Variants in SHLD1 observed in about 807,000 individuals in gnomAD.
SHLD1 encodes RINN1-REV7-interacting novel NHEJ regulator 3.
In SHLD1, 3 loss-of-function variants were observed where a neutral mutation model predicts 5.5. The ratio of observed to expected loss-of-function variants is 0.54; its 90% CI spans 0.25 to 1.40. The LOEUF (loss-of-function observed/expected upper bound fraction) is 1.40, where lower values mean the gene tolerates loss of function less well. SHLD1 is among the 40% of genes most tolerant of loss of function. The probability of loss-of-function intolerance (pLI) is 0.15; values close to 1 mark genes in which losing one functional copy is unlikely to be tolerated. For synonymous variants in SHLD1, 92 were observed against 94.3 expected (o/e 0.98, Z 0.14); for missense variants, 210 against 244.4 (o/e 0.86, Z 0.94).
Position 5,809,976 on chromosome 20 carries a change from C to T in SHLD1, c.178+36933C>T, listed in dbSNP as rs377749759. Among the ~76,000 whole-genome samples the T allele has an allele frequency of 8.5e-4, 129 of 151,976 alleles. 3 individuals are homozygous for T. Among genetic ancestry groups the T allele is most frequent in the African/African-American group, 3.0e-3 (123 of 41,386 alleles). On this transcript the variant is annotated intron_variant, in intron 2 of 2. Coordinates refer to ENST00000303142, the MANE Select transcript of SHLD1 (RefSeq NM_152504.4). ...CACCTTTGTCAAAAATTGGATTGTT[C>T]GGCCAGGCGCAGTGGCTCACACCTG...
In SHLD1 at chr20:5,829,279, A is replaced by G. The variant is rs117928784; in HGVS notation, c.179-33745A>G. On this transcript the variant is annotated intron_variant, in intron 2 of 2. Transcript: ENST00000303142. The stretch of plus-strand genomic sequence containing the variant: ...TATCTTTTGGAAACAGAAAGTAGCA[A>G]CATAGCCTACAAGCCTTAATTTATT... Among the ~76,000 whole-genome samples, 111 of 152,358 alleles carry G rather than the reference A, an allele frequency of 7.3e-4. No homozygotes were observed. The East Asian group carries it at 0.021, about 29-fold the overall frequency.
At chr20:5,822,231 G>A (rs1023216816) in intron 2 of SHLD1, among the ~76,000 whole-genome samples, 1 of 152,166 alleles carries the variant, frequency 6.6e-6, no homozygotes, top group Non-Finnish European at 1.5e-5. Context: ...CCCAAGGCGG[G>A]CAGATCACCT....
intron 2 of SHLD1, among the ~76,000 whole-genome samples, chr20:5,788,015 T>C (rs2087084149): frequency 6.6e-6 from 1 of 152,218 alleles, no homozygotes; most frequent in African/African-American, 2.4e-5. Flanking sequence ...GAGAATAGAA[T>C]GTTATTCCTA....
At chr20:5,831,428 C>G (rs12624412) in intron 2 of SHLD1, among the ~76,000 whole-genome samples, 7,095 of 152,218 alleles carry the variant, frequency 0.047, 475 homozygotes, top group African/African-American at 0.14. Flanking sequence ...TACTACTTTA[C>G]GTATTTTATT....
At chr20:5,774,049 C>CA (rs573871569) in intron 2 of SHLD1, among the ~76,000 whole-genome samples, 253 of 152,046 alleles carry the variant, frequency 1.7e-3, no homozygotes, top group Middle Eastern at 3.4e-3. Context: ...ACTAAAAATA[C>CA]AAAAATTAGC....
At chr20:5,833,033 C>A (rs917543317) in intron 2 of SHLD1, among the ~76,000 whole-genome samples, 4 of 151,518 alleles carry the variant, frequency 2.6e-5, no homozygotes, top group Non-Finnish European at 5.9e-5. Flanking sequence ...GCATGGCTGA[C>A]GTGTCCTCCT....
At chr20:5,763,604 A>G (rs1408185992) in intron 1 of SHLD1, among the ~76,000 whole-genome samples, 1 of 152,106 alleles carries the variant, frequency 6.6e-6, no homozygotes. Flanking sequence ...ATGGACAACC[A>G]TACTCTTCCT....
Position 5,863,342 on chromosome 20 carries a change from A to T in SHLD1, c.497A>T (p.Asp166Val), listed in dbSNP as rs202225762. 7.7e-5 allele frequency: 125 copies of T among 1,614,098 alleles called. 1 individual carries two copies. The highest frequency in any genetic ancestry group is 9.9e-5 in the South Asian group (9 of 91,088). Residue 166 changes from aspartate (D) to valine (V), a missense_variant, in exon 3 of 3, where the codon GAC becomes GTC. Physicochemically the swap from Asp to Val is radical, Grantham distance 152. Coordinates refer to ENST00000303142, the MANE Select transcript of SHLD1 (RefSeq NM_152504.4). ...TCCGTCTTACAGAGGCATTCCAGGGACACCCACTTCTACCCACTGGAGGAA... is the reference window on the plus strand; with the variant it reads ...TCCGTCTTACAGAGGCATTCCAGGGTCACCCACTTCTACCCACTGGAGGAA... ...GCSVLQRHSR[D>V]THFYPLEEGS...
rs138463387 is a variant in SHLD1, at chr20:5,786,634, G to T, written c.178+13591G>T. ...TCTGACCTACTTTGTTTGACTGTAG[G>T]TGATAAGACCCCCATTTCAGAGAAG... On this transcript the variant is annotated intron_variant, in intron 2 of 2. Transcript: ENST00000303142. 2.6e-5 allele frequency among the ~76,000 whole-genome samples: 4 copies of T among 152,174 alleles called. No individual in the cohort carries two copies. The East Asian group carries it at 7.7e-4, about 29-fold the overall frequency.
At chr20:5,794,942 T>C (rs1406806969) in intron 2 of SHLD1, among the ~76,000 whole-genome samples, 1 of 138,346 alleles carries the variant, frequency 7.2e-6, no homozygotes, top group African/African-American at 2.7e-5. Context: ...TGTTTACATA[T>C]GTAAACAAAG....
At chr20:5,848,815 C>T (rs915554267) in intron 2 of SHLD1, among the ~76,000 whole-genome samples, 4 of 152,106 alleles carry the variant, frequency 2.6e-5, no homozygotes, top group East Asian at 1.9e-4. Flanking sequence ...TTTATTCCTC[C>T]GTGGTGGCCT....
chr20:5,845,554 CTG>C (rs753602675), intron 2 of SHLD1, among the ~76,000 whole-genome samples: 13 of 152,238 alleles, frequency 8.5e-5, no homozygotes, highest in Non-Finnish European at 1.5e-4. Flanking sequence ...GAAAGTAAAA[CTG>C]TGTTGCCTGC....
chr20:5,754,584 C>T (rs1983956933), intron 1 of SHLD1, among the ~76,000 whole-genome samples: 1 of 152,136 alleles, frequency 6.6e-6, no homozygotes, highest in African/African-American at 2.4e-5. Context: ...TGGCCCGTAA[C>T]ACAGCATCAG....
At chr20:5,792,903 G>A (rs570156553) in intron 2 of SHLD1, among the ~76,000 whole-genome samples, 8 of 152,180 alleles carry the variant, frequency 5.3e-5, no homozygotes, top group Admixed American at 3.3e-4. Context: ...TCGAACTCCC[G>A]ATGTCAAGTG....
intron 1 of SHLD1, among the ~76,000 whole-genome samples, chr20:5,765,394 C>T (rs574116613): frequency 1.3e-5 from 2 of 152,092 alleles, no homozygotes; most frequent in African/African-American, 4.8e-5. Context: ...TACAGGTGCA[C>T]GTCACCACAC....
intron 2 of SHLD1, among the ~76,000 whole-genome samples, chr20:5,847,408 G>C (rs1011980755): frequency 6.6e-6 from 1 of 152,206 alleles, no homozygotes; most frequent in Admixed American, 6.5e-5. Context: ...AACAAACCCT[G>C]TGGCTTCTCC....
intron 2 of SHLD1, among the ~76,000 whole-genome samples, chr20:5,788,330 T>G (rs1261336183): frequency 6.6e-6 from 1 of 152,214 alleles, no homozygotes; most frequent in Non-Finnish European, 1.5e-5. Context: ...TTTTACAAAT[T>G]GGAAAATATT....
At chr20:5,853,132 G>A (rs1031054810) in intron 2 of SHLD1, among the ~76,000 whole-genome samples, 2 of 152,158 alleles carry the variant, frequency 1.3e-5, no homozygotes, top group East Asian at 3.8e-4. Flanking sequence ...CAGACACTGT[G>A]TTAGGCCCTG....
chr20:5,789,135 C>CA (rs1310796524), intron 2 of SHLD1, among the ~76,000 whole-genome samples: 1 of 140,416 alleles, frequency 7.1e-6, no homozygotes, highest in Non-Finnish European at 1.6e-5. Flanking sequence ...GTCTCAAAAA[C>CA]AAAAAAACAA....
Sources: allele counts gnomAD v4.1 joint callset (sites outside exome capture counted in the v4.1 genomes callset), GRCh38; gene constraint gnomAD v4.1.1; transcripts MANE v1.5; gene names NCBI Gene and HGNC (gene_info 2026-07-23, HGNC 2026-07-21).